GRID2: variants seen among roughly 807,000 people sequenced by gnomAD.
GRID2 encodes the protein glutamate ionotropic receptor delta type subunit 2, also known as glutamate receptor ionotropic, delta-2.
Under a neutral mutation model 114.8 loss-of-function variants are expected in GRID2, and 33 were observed. The observed-to-expected ratio is 0.29, with a 90% CI of 0.22 to 0.38. The LOEUF (loss-of-function observed/expected upper bound fraction) is 0.38. GRID2 is among the 10% of genes least tolerant of loss of function. The pLI, the probability that GRID2 is intolerant of heterozygous loss-of-function variation, is 1.00. For missense variants in GRID2, 1,184 were observed against 1,257.7 expected, an observed-to-expected ratio of 0.94 and a Z score of 0.89; for synonymous variants, 505 against 449.9, an observed-to-expected ratio of 1.12 and a Z score of -1.55.
At chr4:93,711,592 C>T (rs537014198) in intron 14 of GRID2, among the ~76,000 whole-genome samples, 2 of 152,226 alleles carry the variant, frequency 1.3e-5, no homozygotes, top group African/African-American at 4.8e-5. Context: ...GGATGATTCC[C>T]CTCTGGCTAG....
intron 13 of GRID2, among the ~76,000 whole-genome samples, chr4:93,521,711 GA>G (rs1262878982): frequency 6.6e-6 from 1 of 151,380 alleles, no homozygotes; most frequent in Non-Finnish European, 1.5e-5. Flanking sequence ...CCAGGTACTG[GA>G]AAAAAAATGC....
intron 14 of GRID2, among the ~76,000 whole-genome samples, chr4:93,632,095 C>A (rs1461654783): frequency 4.6e-5 from 7 of 152,180 alleles, no homozygotes; most frequent in African/African-American, 1.7e-4. Context: ...TGTTTGAGTT[C>A]TTTGTAGATT....
chr4:93,257,989 TATATATATATAC>T lies in GRID2; in HGVS notation c.1245+19501_1245+19512del, dbSNP rs1455766999. 9.9e-3 allele frequency among the ~76,000 whole-genome samples: 1,295 copies of T among 130,840 alleles called. 13 individuals carry two copies. The highest frequency in any genetic ancestry group is 0.013 in the Non-Finnish European group (826 of 65,090). The allele number at this position is 130,840 out of a possible 152,430, so 85.8% of individuals were successfully genotyped here. ...CACAATATGTGTGTGTATATATATA[TATATATATATAC>T]ACACACACACACACACACACACACA... On this transcript the variant is annotated intron_variant, in intron 8 of 15. Coordinates refer to ENST00000282020, the MANE Select transcript of GRID2 (RefSeq NM_001510.4).
intron 7 of GRID2, among the ~76,000 whole-genome samples, chr4:93,225,821 A>G (rs1001896119): frequency 3.3e-5 from 5 of 152,164 alleles, no homozygotes; most frequent in African/African-American, 1.2e-4. Flanking sequence ...AATATATAAA[A>G]AATGGAAGTT....
intron 2 of GRID2, among the ~76,000 whole-genome samples, chr4:92,951,652 TACCAC>T (rs1177725026): frequency 8.5e-5 from 13 of 152,150 alleles, no homozygotes; most frequent in Non-Finnish European, 1.3e-4. Context: ...ACATAGGTAA[TACCAC>T]CATAAGTTCA....
At chr4:93,067,363 C>G (rs933410277) in intron 2 of GRID2, among the ~76,000 whole-genome samples, 1 of 151,994 alleles carries the variant, frequency 6.6e-6, no homozygotes, top group African/African-American at 2.4e-5. Flanking sequence ...TCTCACAGTT[C>G]TGGAGGCTGA....
At chr4:92,917,503 T>G (rs1316100592) in intron 2 of GRID2, among the ~76,000 whole-genome samples, 2 of 152,206 alleles carry the variant, frequency 1.3e-5, no homozygotes, top group Non-Finnish European at 2.9e-5. Flanking sequence ...GGTCTAACGT[T>G]TAAGTCTTTA....
intron 14 of GRID2, among the ~76,000 whole-genome samples, chr4:93,631,710 C>T (rs964424809): frequency 1.2e-4 from 19 of 152,102 alleles, no homozygotes; most frequent in African/African-American, 4.1e-4. Flanking sequence ...GCATGATTTA[C>T]AATCCTTTGG....
intron 2 of GRID2, among the ~76,000 whole-genome samples, chr4:92,615,229 G>A (rs527349358): frequency 6.6e-6 from 1 of 151,508 alleles, no homozygotes; most frequent in African/African-American, 2.4e-5. Context: ...GGGGCAGGGA[G>A]AAACACAAAG....
rs1487397406 is a variant in GRID2 at position 92,594,572 on chromosome 4, A to G, written c.244+4286A>G. On this transcript the variant is annotated intron_variant, in intron 2 of 15. Coordinates refer to ENST00000282020, the MANE Select transcript of GRID2 (RefSeq NM_001510.4). ...CTAGTTTTTCTGTGTCTGACTTTAA[A>G]ATAGATTAAACAGATATAGGGTATC... Among the ~76,000 whole-genome samples the G allele has an allele frequency of 2.0e-5, 3 of 151,922 alleles. No homozygotes were observed. The South Asian group carries it at 6.2e-4, about 31-fold the overall frequency.
chr4:92,980,477 T>A (rs1030534204), intron 2 of GRID2, among the ~76,000 whole-genome samples: 3 of 152,052 alleles, frequency 2.0e-5, no homozygotes, highest in African/African-American at 7.2e-5. Context: ...CCTCTCTTTA[T>A]TGGAATTGAA....
chr4:93,169,118 A>G (rs900071151), intron 4 of GRID2, among the ~76,000 whole-genome samples: 3 of 148,910 alleles, frequency 2.0e-5, no homozygotes, highest in Non-Finnish European at 4.5e-5. Flanking sequence ...TATTCTTCCA[A>G]GTGGCTTTTT....
chr4:93,746,885 A>G (rs1423521642), intron 14 of GRID2, among the ~76,000 whole-genome samples: 6 of 151,794 alleles, frequency 4.0e-5, no homozygotes, highest in Non-Finnish European at 7.4e-5. Context: ...TAAGAAATTA[A>G]CTCTTTTTTA....
chr4:93,509,849 A>T (rs541520165), intron 12 of GRID2, among the ~76,000 whole-genome samples: 2 of 152,124 alleles, frequency 1.3e-5, no homozygotes, highest in Non-Finnish European at 2.9e-5. Context: ...TACATTTTGG[A>T]TCACTTTTTA....
At chr4:93,357,805 CTAAT>C (rs1290998805) in intron 8 of GRID2, among the ~76,000 whole-genome samples, 1 of 151,644 alleles carries the variant, frequency 6.6e-6, no homozygotes, top group Non-Finnish European at 1.5e-5. Context: ...TCAAAAGTCA[CTAAT>C]TGAGTAATCC....
intron 4 of GRID2, among the ~76,000 whole-genome samples, chr4:93,163,553 T>C (rs1360563121): frequency 6.7e-6 from 1 of 148,616 alleles, no homozygotes; most frequent in Admixed American, 6.7e-5. Context: ...TGTGAATCAC[T>C]GCACTTGCCA....
At chr4:93,466,656 G>C (rs1560649853) in intron 11 of GRID2, among the ~76,000 whole-genome samples, 1 of 152,154 alleles carries the variant, frequency 6.6e-6, no homozygotes, top group Non-Finnish European at 1.5e-5. Context: ...AGGCTGGTGG[G>C]CATGTCTGAT....
chr4:92,415,843 G>A (rs748021841), intron 1 of GRID2, among the ~76,000 whole-genome samples: 3 of 145,918 alleles, frequency 2.1e-5, no homozygotes, highest in African/African-American at 5.0e-5. Flanking sequence ...CTTTGCAATC[G>A]TGAATTGTGC....
At chr4:92,831,918 A>G (rs2149399790) in intron 2 of GRID2, among the ~76,000 whole-genome samples, 1 of 152,170 alleles carries the variant, frequency 6.6e-6, no homozygotes, top group African/African-American at 2.4e-5. Flanking sequence ...ATAAGAAAGT[A>G]AATAGAACAT....
Sources: allele counts gnomAD v4.1 joint callset (sites outside exome capture counted in the v4.1 genomes callset), GRCh38; gene constraint gnomAD v4.1.1; transcripts MANE v1.5; gene names NCBI Gene and HGNC (gene_info 2026-07-23, HGNC 2026-07-21).